The following TMC1 variants were observed in gnomAD, a reference collection of about 807,000 sequenced individuals.
TMC1 encodes transmembrane channel-like protein 1.
A neutral mutation model predicts 105.8 loss-of-function variants in TMC1; 84 were observed. The observed-to-expected ratio is 0.79, with a 90% CI of 0.67 to 0.95. The LOEUF is 0.95. Ranked by LOEUF, TMC1 falls within the 40% of genes least tolerant of loss-of-function variation. The pLI, the probability that TMC1 is intolerant of heterozygous loss-of-function variation, is 0.00. For synonymous variants in TMC1, 315 were observed against 311.5 expected, an observed-to-expected ratio of 1.01 and a Z score of -0.12; for missense variants, 817 against 914.1, an observed-to-expected ratio of 0.89 and a Z score of 1.37.
At chr9:72,616,902 T>C (rs1007135271) in intron 3 of TMC1, among the ~76,000 whole-genome samples, 3 of 151,944 alleles carry the variant, frequency 2.0e-5, no homozygotes, top group East Asian at 3.9e-4. Context: ...CACATTAGTG[T>C]TGTTGATTTG....
chr9:72,603,848 GTTTTTTTTTT>G (rs534608884), intron 2 of TMC1, among the ~76,000 whole-genome samples: 10 of 73,998 alleles, frequency 1.4e-4, no homozygotes, highest in East Asian at 4.6e-4. Flanking sequence ...GCGACCGGCT[GTTTTTTTTTT>G]TTTTTTTTTT....
chr9:72,660,021 C>T (rs756364343), intron 5 of TMC1, among the ~76,000 whole-genome samples: 2 of 152,054 alleles, frequency 1.3e-5, no homozygotes, highest in Non-Finnish European at 2.9e-5. Context: ...CTACCTTATT[C>T]CTCCTGCCTG....
chr9:72,534,435 C>T (rs75686676), intron 1 of TMC1, among the ~76,000 whole-genome samples: 5,564 of 152,136 alleles, frequency 0.037, 151 homozygotes, highest in Middle Eastern at 0.058. Context: ...TCTAAAAGGG[C>T]TCCACCAAAG....
intron 8 of TMC1, among the ~76,000 whole-genome samples, chr9:72,730,399 C>T (rs1420718680): frequency 6.6e-6 from 1 of 152,080 alleles, no homozygotes; most frequent in Admixed American, 6.6e-5. Flanking sequence ...CTTCCAGTGT[C>T]CTTTAGTTCA....
rs73479830 is a variant in TMC1 at position 72,573,286 on chromosome 9, A to T, written c.-427-4616A>T. On this transcript the variant is annotated intron_variant, in intron 1 of 23. Transcript: ENST00000297784. ...AATTTTGAGTGTCATACCTGTTCTA[A>T]CATAAATTTGAGGAAAATGAAGGCT... Among the ~76,000 whole-genome samples the T allele has an allele frequency of 5.0e-3, 760 of 152,328 alleles. 8 individuals are homozygous for T. The highest frequency in any genetic ancestry group is 0.017 in the African/African-American group (694 of 41,570).
chr9:72,707,611 G>C (rs768283168), intron 8 of TMC1, among the ~76,000 whole-genome samples: 1 of 151,860 alleles, frequency 6.6e-6, no homozygotes, highest in African/African-American at 2.4e-5. Context: ...AGGACTGTTT[G>C]TATTTTTCTT....
At chr9:72,775,922 GA>G (rs1321420790) in intron 13 of TMC1, among the ~76,000 whole-genome samples, 1 of 152,126 alleles carries the variant, frequency 6.6e-6, no homozygotes, top group African/African-American at 2.4e-5. Flanking sequence ...GGAGCTAATA[GA>G]ATAAGAACTC....
chr9:72,790,145 A>T (rs1248433040), intron 15 of TMC1, among the ~76,000 whole-genome samples: 4 of 152,160 alleles, frequency 2.6e-5, no homozygotes, highest in Admixed American at 6.5e-5. Flanking sequence ...GAGCTTGGGC[A>T]TTTTCAAAGT....
intron 2 of TMC1, among the ~76,000 whole-genome samples, chr9:72,611,328 G>C (rs1825020455): frequency 6.6e-6 from 1 of 152,166 alleles, no homozygotes; most frequent in African/African-American, 2.4e-5. Context: ...AGAAGCCAAA[G>C]GAAGAGGTAA....
intron 1 of TMC1, among the ~76,000 whole-genome samples, chr9:72,532,713 A>G (rs1274392611): frequency 2.0e-5 from 3 of 152,176 alleles, no homozygotes; most frequent in African/African-American, 4.8e-5. Flanking sequence ...ATTTTGGACC[A>G]TAGACTATGA....
Position 72,628,025 on chromosome 9 carries a change from A to G in TMC1, c.-91A>G. On this transcript the variant is annotated 5_prime_UTR_variant, in exon 4 of 24. Coordinates refer to ENST00000297784, the MANE Select transcript of TMC1 (RefSeq NM_138691.3). ...TGTGGGGAAGGAACTGTCCACGTGG[A>G]GTGGTCTGGTGAATGCTTAAGGAGC... 1 of 455,704 alleles carries G rather than the reference A, an allele frequency of 2.2e-6. No individual in the cohort carries two copies. The highest frequency in any genetic ancestry group is 4.4e-6 in the Non-Finnish European group (1 of 226,776). 28.2% of individuals were successfully genotyped at this position (455,704 alleles called of 1,614,324 possible). A position where few individuals can be genotyped will look rare whatever the true frequency, so the allele number is the denominator to read the frequency against.
intron 5 of TMC1, among the ~76,000 whole-genome samples, chr9:72,688,403 A>T (rs960741397): frequency 2.0e-5 from 3 of 152,134 alleles, no homozygotes; most frequent in African/African-American, 7.2e-5. Context: ...ACTTATTGCA[A>T]TACAGAATTT....
intron 5 of TMC1, among the ~76,000 whole-genome samples, chr9:72,653,699 A>C (rs930050685): frequency 6.6e-6 from 1 of 152,174 alleles, no homozygotes; most frequent in Admixed American, 6.5e-5. Context: ...TATAAAAATC[A>C]TGATAAAGAT....
chr9:72,579,669 T>C (rs552585470), intron 2 of TMC1, among the ~76,000 whole-genome samples: 6 of 152,186 alleles, frequency 3.9e-5, no homozygotes, highest in Non-Finnish European at 7.3e-5. Flanking sequence ...GCTTTAAATA[T>C]GTTATTTTAT....
At chr9:72,607,358 GC>G (rs1564440954) in intron 2 of TMC1, among the ~76,000 whole-genome samples, 1 of 151,864 alleles carries the variant, frequency 6.6e-6, no homozygotes, top group Non-Finnish European at 1.5e-5. Context: ...GGTGGCTCAC[GC>G]CTGTAATCCC....
At chr9:72,782,503 A>G (rs1828109855) in intron 13 of TMC1, among the ~76,000 whole-genome samples, 2 of 152,232 alleles carry the variant, frequency 1.3e-5, no homozygotes, top group African/African-American at 4.8e-5. Flanking sequence ...GCAAATAGGA[A>G]GAGAGGAAGT....
At chr9:72,730,554 T>A (rs1439254169) in intron 8 of TMC1, among the ~76,000 whole-genome samples, 1 of 152,222 alleles carries the variant, frequency 6.6e-6, no homozygotes, top group Admixed American at 6.5e-5. Context: ...CTAGAGATTG[T>A]GACTTAATTT....
chr9:72,615,753 A>AT (rs35200835), intron 2 of TMC1, among the ~76,000 whole-genome samples: 23,649 of 138,936 alleles, frequency 0.17, 2,170 homozygotes, highest in African/African-American at 0.25. Flanking sequence ...CACCTTTCTT[A>AT]TTTTTTTTTT....
chr9:72,789,459 C>G, intron 15 of TMC1, 142 bp downstream of exon 15: 1 of 723,434 alleles, frequency 1.4e-6, no homozygotes, highest in Non-Finnish European at 2.4e-6. Flanking sequence ...CCCTGTTGCT[C>G]ATTTTCCATT....
Sources: gnomAD v4.1 joint callset for allele counts (sites outside exome capture counted in the v4.1 genomes callset) on GRCh38, gnomAD v4.1.1 for gene constraint, MANE v1.5 for transcripts, NCBI Gene and HGNC (gene_info 2026-07-23, HGNC 2026-07-21) for gene names.